COLEC12: variants seen among roughly 807,000 people sequenced by gnomAD.
The protein encoded by COLEC12 is collectin-12.
Under a neutral mutation model 71.1 loss-of-function variants are expected in COLEC12, and 33 were observed. The ratio of observed to expected loss-of-function variants is 0.46; its 90% CI spans 0.35 to 0.62. The LOEUF is 0.62. Among genes scored for constraint, COLEC12 ranks in the 20% least tolerant of loss-of-function variants. COLEC12 has a pLI of 0.00. For missense variants in COLEC12, 765 were observed against 916.1 expected (o/e 0.84, Z 2.13); for synonymous variants, 350 against 353.0 (o/e 0.99, Z 0.10).
intron 2 of COLEC12, among the ~76,000 whole-genome samples, chr18:442,694 G>A (rs1382578353): frequency 6.6e-6 from 1 of 152,246 alleles, no homozygotes; most frequent in Non-Finnish European, 1.5e-5. Context: ...GGGCGCAGTG[G>A]CTCACGCCTG....
At chr18:321,085 G>T (rs964663018) in intron 9 of COLEC12, among the ~76,000 whole-genome samples, 1 of 152,136 alleles carries the variant, frequency 6.6e-6, no homozygotes, top group Non-Finnish European at 1.5e-5. Context: ...ATGGAGTTTC[G>T]CTGTTGTTTC....
In COLEC12 at chr18:453,545, T is replaced by C. The variant is rs888455805; in HGVS notation, c.58+27162A>G. Among the ~76,000 whole-genome samples, 6 of 152,268 alleles carry C rather than the reference T, an allele frequency of 3.9e-5. No homozygotes were observed. In the East Asian group the frequency reaches 5.8e-4, roughly 15 times the overall value. ...AGGATTTGGATTTGTCAGCGCTAAA[T>C]GCTAAGTTCTCCCTCCTCTTCTCAA... is the stretch of plus-strand genomic sequence containing the variant. On this transcript the variant is annotated intron_variant, in intron 2 of 9. Coordinates refer to ENST00000400256, the MANE Select transcript of COLEC12 (RefSeq NM_130386.3).
At chr18:412,341 A>G (rs1915907889) in intron 2 of COLEC12, among the ~76,000 whole-genome samples, 1 of 152,146 alleles carries the variant, frequency 6.6e-6, no homozygotes, top group African/African-American at 2.4e-5. Context: ...AAAAAAACTG[A>G]TAACCCAGAG....
At chr18:329,097 G>T (rs1448585954) in intron 8 of COLEC12, among the ~76,000 whole-genome samples, 2 of 152,204 alleles carry the variant, frequency 1.3e-5, no homozygotes, top group Non-Finnish European at 2.9e-5. Context: ...GCCCAGTAAG[G>T]TGTCTGGTGA....
At chr18:332,052 T>A (rs1913995820) in intron 7 of COLEC12, among the ~76,000 whole-genome samples, 1 of 152,192 alleles carries the variant, frequency 6.6e-6, no homozygotes, top group African/African-American at 2.4e-5. Context: ...TGTCCATTGG[T>A]CCCACTTCCT....
At chr18:369,411 TTA>T (rs1914948709) in intron 2 of COLEC12, among the ~76,000 whole-genome samples, 3 of 142,964 alleles carry the variant, frequency 2.1e-5, no homozygotes, top group South Asian at 2.2e-4. Flanking sequence ...TTTTTTATTT[TTA>T]TTTTTATTTT....
intron 2 of COLEC12, among the ~76,000 whole-genome samples, chr18:375,089 A>T (rs981289076): frequency 6.6e-6 from 1 of 152,244 alleles, no homozygotes; most frequent in Non-Finnish European, 1.5e-5. Flanking sequence ...CAGCAGCTGC[A>T]GTGCACAAAT....
intron 2 of COLEC12, among the ~76,000 whole-genome samples, chr18:453,634 T>C (rs778613441): frequency 6.6e-6 from 1 of 152,258 alleles, no homozygotes; most frequent in Non-Finnish European, 1.5e-5. Flanking sequence ...TCTCTTCTTC[T>C]GTGGTCTCAT....
intron 2 of COLEC12, among the ~76,000 whole-genome samples, chr18:378,416 G>A (rs936666976): frequency 6.6e-6 from 1 of 152,206 alleles, no homozygotes; most frequent in Non-Finnish European, 1.5e-5. Flanking sequence ...AAGGAACAGC[G>A]GCCAGGACAT....
chr18:369,431 A>ATTTTTAT (rs1350105193), intron 2 of COLEC12, among the ~76,000 whole-genome samples: 4 of 88,214 alleles, frequency 4.5e-5, no homozygotes, highest in South Asian at 3.5e-4. Flanking sequence ...TTTTATTTTT[A>ATTTTTAT]TTTTTTTTTG....
In COLEC12 at chr18:348,128, C is replaced by T; in HGVS notation, c.217G>A (p.Glu73Lys). Residue 73 changes from glutamate (E) to lysine (K), a missense_variant, in exon 4 of 10, where the codon GAA becomes AAA. Physicochemically the swap from Glu to Lys is moderately conservative, Grantham distance 56 (BLOSUM62 1). Coordinates refer to ENST00000400256, the MANE Select transcript of COLEC12 (RefSeq NM_130386.3). ...EKMDNVTGGM[E>K]TSRQTYDDKL... ...TCATCATAGGTTTGGCGAGATGTTTCCATGCCACCTGTGACATTGTCCATT... is the reference window on the plus strand; with the variant it reads ...TCATCATAGGTTTGGCGAGATGTTTTCATGCCACCTGTGACATTGTCCATT... 2 of 1,613,894 alleles carry T rather than the reference C, an allele frequency of 1.2e-6. No homozygotes were observed. The highest frequency in any genetic ancestry group is 2.2e-5 in the South Asian group (2 of 91,056).
In COLEC12 at chr18:318,467, G is replaced by C. The variant is rs953161850; in HGVS notation, c.*1578C>G. On this transcript the variant is annotated 3_prime_UTR_variant, in exon 10 of 10. Transcript: ENST00000400256. Reference sequence around the variant, plus strand: ...GTCAAGGAAAGTCAAGGAGCGAAAGGAAGATGGGCTCAGAGGAAAGGTTTT... The same window carrying C: ...GTCAAGGAAAGTCAAGGAGCGAAAGCAAGATGGGCTCAGAGGAAAGGTTTT... The C allele has an allele frequency of 1.5e-4, 23 of 149,980 alleles. No homozygotes were observed. The highest frequency in any genetic ancestry group is 5.6e-4 in the African/African-American group (23 of 40,806). The allele number at this position is 149,980 out of a possible 1,614,324, so 9.3% of individuals were successfully genotyped here.
intron 1 of COLEC12, among the ~76,000 whole-genome samples, chr18:484,589 T>TG (rs1917484726): frequency 6.6e-6 from 1 of 152,226 alleles, no homozygotes; most frequent in East Asian, 1.9e-4. Flanking sequence ...TTTTGTTTTT[T>TG]GGGGGCGAGG....
intron 2 of COLEC12, among the ~76,000 whole-genome samples, chr18:392,915 T>C (rs1431497394): frequency 6.6e-6 from 1 of 152,244 alleles, no homozygotes; most frequent in Non-Finnish European, 1.5e-5. Context: ...TCAGACTCCT[T>C]TGTTCTTGAG....
chr18:360,633 G>A (rs1038229152), intron 2 of COLEC12, among the ~76,000 whole-genome samples: 1 of 152,192 alleles, frequency 6.6e-6, no homozygotes, highest in African/African-American at 2.4e-5. Context: ...TGCAGGTTCC[G>A]ATTCAGTGGG....
intron 3 of COLEC12, among the ~76,000 whole-genome samples, chr18:351,252 C>T (rs750372246): frequency 6.6e-5 from 10 of 151,636 alleles, no homozygotes; most frequent in East Asian, 1.9e-4. Context: ...CTCTCTCACA[C>T]GAGCCTTTCC....
At chr18:321,118 G>C (rs1451314565) in intron 9 of COLEC12, among the ~76,000 whole-genome samples, 1 of 152,166 alleles carries the variant, frequency 6.6e-6, no homozygotes, top group Non-Finnish European at 1.5e-5. Flanking sequence ...GCAATGGTGC[G>C]ATCTCGGCTC....
chr18:453,138 C>A (rs1480268042), intron 2 of COLEC12, among the ~76,000 whole-genome samples: 1 of 152,304 alleles, frequency 6.6e-6, no homozygotes, highest in African/African-American at 2.4e-5. Flanking sequence ...AGTCCAACTT[C>A]CCCTCTTAAG....
intron 2 of COLEC12, among the ~76,000 whole-genome samples, chr18:451,571 C>T (rs1363874769): frequency 1.3e-5 from 2 of 152,044 alleles, no homozygotes; most frequent in African/African-American, 4.8e-5. Flanking sequence ...TATGATAAAA[C>T]CCCGTCTCTA....
Sources: allele counts gnomAD v4.1 joint callset (sites outside exome capture counted in the v4.1 genomes callset), GRCh38; gene constraint gnomAD v4.1.1; transcripts MANE v1.5; gene names NCBI Gene and HGNC (gene_info 2026-07-23, HGNC 2026-07-21).